Variants in ZFYVE9 observed in about 807,000 individuals in gnomAD.
The protein encoded by ZFYVE9 is zinc finger FYVE-type containing 9.
ZFYVE9 carries 43 observed loss-of-function variants against 126.7 expected under a neutral mutation model. That is an observed-to-expected ratio of 0.34 (90% CI 0.27 to 0.44). The LOEUF (loss-of-function observed/expected upper bound fraction) is 0.44, where lower values mean the gene tolerates loss of function less well. Ranked by LOEUF, ZFYVE9 falls within the 20% of genes least tolerant of loss-of-function variation. The pLI is 1.00. For synonymous variants in ZFYVE9, 521 were observed against 597.4 expected (o/e 0.87, Z 1.87); for missense variants, 1,476 against 1,697.0 (o/e 0.87, Z 2.29).
At chr1:52,180,233 C>A in intron 1 of ZFYVE9, 3 of 1,603,792 alleles carry the variant, frequency 1.9e-6, no homozygotes, top group East Asian at 2.2e-5. Flanking sequence ...TAAATCAGCA[C>A]CTCAGTGGAG....
At chr1:52,197,199 A>C (rs927497595) in intron 1 of ZFYVE9, among the ~76,000 whole-genome samples, 2 of 152,224 alleles carry the variant, frequency 1.3e-5, no homozygotes, top group African/African-American at 2.4e-5. Context: ...ATTGGTTTTC[A>C]TTAAATGAGA....
chr1:52,292,466 TTTC>T (rs1443908436), intron 10 of ZFYVE9, among the ~76,000 whole-genome samples: 6 of 145,258 alleles, frequency 4.1e-5, no homozygotes, highest in Non-Finnish European at 3.0e-5. Flanking sequence ...AATCTGAACA[TTTC>T]TTTTTTTTTT....
chr1:52,214,906 A>G (rs1048539603), intron 1 of ZFYVE9, among the ~76,000 whole-genome samples: 1 of 152,160 alleles, frequency 6.6e-6, no homozygotes, highest in Admixed American at 6.5e-5. Context: ...CACGTCCTCA[A>G]TGGATTGGAT....
chr1:52,345,062 A>G (rs1646471902), intron 18 of ZFYVE9, 118 bp downstream of exon 18: 3 of 1,135,968 alleles, frequency 2.6e-6, no homozygotes, highest in Admixed American at 2.1e-5. Flanking sequence ...GCCTGACTGG[A>G]TATAGTGTTT....
Position 52,239,533 on chromosome 1 carries a change from A to G in ZFYVE9, c.2116A>G (p.Met706Val). ...ACCGGATTCTCAGGCTCCAAATTGC[A>G]TGAAATGTGAAGCCAGGTTTACATT... ...WVPDSQAPNCMKCEARFTFTK... is the reference protein window; with the variant it reads ...WVPDSQAPNCVKCEARFTFTK... The change falls in exon 4 of 19, where the codon ATG (methionine) becomes GTG (valine). Residue 706 changes from methionine to valine, a missense_variant. By Grantham distance (21) the Met-to-Val change is conservative. Around this residue, in one of 2 missense-constraint regions of ZFYVE9, gnomAD observed 669 missense variants for 902.4 expected, o/e 0.74. Coordinates refer to ENST00000287727, the MANE Select transcript of ZFYVE9 (RefSeq NM_004799.4). The G allele has an allele frequency of 1.2e-6, 2 of 1,614,108 alleles. No homozygotes were observed. Among genetic ancestry groups the G allele is most frequent in the Non-Finnish European group, 1.7e-6 (2 of 1,179,986 alleles).
intron 1 of ZFYVE9, among the ~76,000 whole-genome samples, chr1:52,181,841 G>A (rs1405383113): frequency 6.7e-6 from 1 of 150,132 alleles, no homozygotes; most frequent in African/African-American, 2.5e-5. Flanking sequence ...GAGCCCCTCC[G>A]CCCTGCAGCC....
chr1:52,266,932 T>G, intron 6 of ZFYVE9, 101 bp downstream of exon 6: 3 of 1,105,186 alleles, frequency 2.7e-6, no homozygotes, highest in Non-Finnish European at 3.7e-6. Flanking sequence ...ACACTGCAGA[T>G]AAGTCTCTTT....
chr1:52,273,089 C>T (rs1645710819), intron 7 of ZFYVE9, among the ~76,000 whole-genome samples: 2 of 152,146 alleles, frequency 1.3e-5, no homozygotes, highest in African/African-American at 2.4e-5. Context: ...TCACTGAAAC[C>T]TCCGCCTCCT....
intron 13 of ZFYVE9, among the ~76,000 whole-genome samples, chr1:52,318,593 GA>G (rs1437224355): frequency 6.0e-5 from 9 of 151,032 alleles, no homozygotes; most frequent in African/African-American, 1.5e-4. Context: ...GTAATAAGGG[GA>G]AAAAAAATAA....
rs79685575 is a variant in ZFYVE9 at position 52,192,193 on chromosome 1, G to A, written c.-142-24176G>A. Among the ~76,000 whole-genome samples, 507 of 152,294 alleles carry A rather than the reference G, an allele frequency of 3.3e-3. 2 individuals are homozygous for A. The highest frequency in any genetic ancestry group is 0.012 in the African/African-American group (487 of 41,554). On this transcript the variant is annotated intron_variant, in intron 1 of 18. Coordinates refer to ENST00000287727, the MANE Select transcript of ZFYVE9 (RefSeq NM_004799.4). ...CATTGATTACTTTGGCTACTTTCAT[G>A]TATGTTCAGAGATGGCAATCTATCC... is the stretch of plus-strand genomic sequence containing the variant.
chr1:52,287,026 C>G (rs1020335192), intron 10 of ZFYVE9, among the ~76,000 whole-genome samples: 2 of 152,166 alleles, frequency 1.3e-5, no homozygotes, highest in Admixed American at 1.3e-4. Flanking sequence ...TGAATTCTTT[C>G]TTGATGACCC....
intron 10 of ZFYVE9, among the ~76,000 whole-genome samples, chr1:52,284,384 T>C (rs1039424569): frequency 2.0e-5 from 3 of 152,056 alleles, no homozygotes; most frequent in Admixed American, 1.3e-4. Flanking sequence ...GGAGAGGATG[T>C]GAATTATTGC....
Position 52,191,239 on chromosome 1 carries a change from C to G in ZFYVE9, c.-142-25130C>G, listed in dbSNP as rs535485327. ...ACAGGCGTGAGCCACCATGCCCGGT[C>G]AATGAATATTATTTCCTTTTAATCT... On this transcript the variant is annotated intron_variant, in intron 1 of 18. Coordinates refer to ENST00000287727, the MANE Select transcript of ZFYVE9 (RefSeq NM_004799.4). 2.6e-5 allele frequency among the ~76,000 whole-genome samples: 4 copies of G among 152,252 alleles called. No homozygotes were observed. The South Asian group carries it at 6.2e-4, about 24-fold the overall frequency.
intron 1 of ZFYVE9, among the ~76,000 whole-genome samples, chr1:52,189,573 A>G (rs1399090506): frequency 2.6e-5 from 4 of 151,874 alleles, no homozygotes; most frequent in South Asian, 2.1e-4. Context: ...GGGTTTTGCC[A>G]TGTTGGCCAG....
intron 1 of ZFYVE9, among the ~76,000 whole-genome samples, chr1:52,191,242 T>C (rs1008565411): frequency 9.2e-5 from 14 of 152,208 alleles, no homozygotes; most frequent in African/African-American, 3.1e-4. Context: ...GCCCGGTCAA[T>C]GAATATTATT....
chr1:52,309,846 A>C (rs1476267157), intron 13 of ZFYVE9, among the ~76,000 whole-genome samples: 1 of 152,232 alleles, frequency 6.6e-6, no homozygotes, highest in Non-Finnish European at 1.5e-5. Context: ...AAGCTTAGAA[A>C]GCTAGAAGAT....
At chr1:52,322,366 AG>A (rs1358432819) in intron 13 of ZFYVE9, among the ~76,000 whole-genome samples, 2 of 147,122 alleles carry the variant, frequency 1.4e-5, no homozygotes, top group South Asian at 4.3e-4. Context: ...TAGCAGCCTA[AG>A]TGGTCTTTTC....
At chr1:52,179,792 A>C in intron 1 of ZFYVE9, 2 of 504,648 alleles carry the variant, frequency 4.0e-6, no homozygotes, top group East Asian at 8.0e-5. Flanking sequence ...CTAAATAAAA[A>C]GGATTTAAAG....
intron 4 of ZFYVE9, among the ~76,000 whole-genome samples, chr1:52,250,788 CAT>C (rs994851379): frequency 1.3e-5 from 2 of 151,778 alleles, no homozygotes; most frequent in African/African-American, 4.8e-5. Context: ...CAGCTCACCG[CAT>C]CCTCAACCTC....
Sources: allele counts gnomAD v4.1 joint callset (sites outside exome capture counted in the v4.1 genomes callset), GRCh38; gene constraint gnomAD v4.1.1; regional missense constraint gnomAD v4.1.1; transcripts MANE v1.5; gene names NCBI Gene and HGNC (gene_info 2026-07-23, HGNC 2026-07-21).